Variants in KLRG1 observed in about 807,000 individuals in gnomAD.
KLRG1 encodes killer cell lectin like receptor G1.
In KLRG1, 16 loss-of-function variants were observed where a neutral mutation model predicts 21.8. That is an observed-to-expected ratio of 0.73 (90% CI 0.50 to 1.11). The LOEUF is 1.11. Ranked by LOEUF, KLRG1 falls within the 50% of genes most tolerant of loss-of-function variation. The pLI is 0.00. For synonymous variants in KLRG1, 69 were observed against 75.9 expected (o/e 0.91, Z 0.47); for missense variants, 173 against 218.3 (o/e 0.79, Z 1.31).
At chr12:9,128,612 T>C in the KLRG1 span, 1 of 152,312 alleles carries the variant, frequency 6.6e-6, no homozygotes, top group Non-Finnish European at 1.5e-5. Flanking sequence ...GAAAGATCCT[T>C]ACAGCAACCT....
At chr12:8,967,792 A>G (rs1463773129) in intron 1 of KLRG1, among the ~76,000 whole-genome samples, 2 of 152,210 alleles carry the variant, frequency 1.3e-5, no homozygotes, top group African/African-American at 2.4e-5. Flanking sequence ...AGTAAAATGT[A>G]TGAAAACGGC....
At chr12:9,196,796 T>C in the KLRG1 span, 8 of 914,338 alleles carry the variant, frequency 8.7e-6, no homozygotes, top group South Asian at 1.0e-4. Flanking sequence ...ATTAAGTAAG[T>C]TAATTGACCT....
At chr12:9,193,620 A>G in the KLRG1 span, among the ~76,000 whole-genome samples, 1 of 152,220 alleles carries the variant, frequency 6.6e-6, no homozygotes, top group African/African-American at 2.4e-5. Context: ...ACTGAAATCC[A>G]TAAATTATAG....
At chr12:9,069,327 A>T in the KLRG1 span, among the ~76,000 whole-genome samples, 1 of 152,208 alleles carries the variant, frequency 6.6e-6, no homozygotes, top group African/African-American at 2.4e-5. Flanking sequence ...TTTACTGGTG[A>T]ACTGGTCTTA....
At chr12:9,040,820 C>G in the KLRG1 span, among the ~76,000 whole-genome samples, 1 of 152,146 alleles carries the variant, frequency 6.6e-6, no homozygotes, top group Non-Finnish European at 1.5e-5. Flanking sequence ...ATTCAGATTC[C>G]TTTTTCAACT....
At chr12:8,974,554 C>G (rs2137264740) in intron 1 of KLRG1, among the ~76,000 whole-genome samples, 1 of 152,094 alleles carries the variant, frequency 6.6e-6, no homozygotes, top group Admixed American at 6.5e-5. Context: ...CTCTCTATAC[C>G]CATTTTTTGA....
At chr12:9,200,977 T>C in the KLRG1 span, 1 of 1,613,950 alleles carries the variant, frequency 6.2e-7, no homozygotes, top group Non-Finnish European at 8.5e-7. Flanking sequence ...GAATGGGCTC[T>C]GATGAGAGGG....
chr12:8,976,605 A>C (rs922828783), intron 1 of KLRG1, among the ~76,000 whole-genome samples: 2 of 152,160 alleles, frequency 1.3e-5, no homozygotes, highest in African/African-American at 4.8e-5. Context: ...TCTCCCTTCA[A>C]ATCTGTCAAT....
chr12:8,978,520 T>G (rs1946693772), intron 1 of KLRG1, among the ~76,000 whole-genome samples: 1 of 152,160 alleles, frequency 6.6e-6, no homozygotes, highest in East Asian at 1.9e-4. Flanking sequence ...ATATCTTGGT[T>G]GGCTGTTTTC....
At chr12:8,990,489 A>C (rs748123912) in intron 1 of KLRG1, 2 of 152,082 alleles carry the variant, frequency 1.3e-5, no homozygotes, top group African/African-American at 2.4e-5. Flanking sequence ...ATGTCTTTTG[A>C]GAGTGTTGCC....
chr12:9,008,271 T>C (rs1364099090), intron 3 of KLRG1, among the ~76,000 whole-genome samples: 3 of 152,238 alleles, frequency 2.0e-5, no homozygotes, highest in Non-Finnish European at 4.4e-5. Flanking sequence ...TTCTTTCTTT[T>C]GAAATAATCT....
At chr12:9,075,277 A>T in the KLRG1 span, among the ~76,000 whole-genome samples, 1 of 152,198 alleles carries the variant, frequency 6.6e-6, no homozygotes, top group Non-Finnish European at 1.5e-5. Context: ...ACCAATATAC[A>T]CTGCTGTGGG....
downstream of KLRG1, among the ~76,000 whole-genome samples, chr12:9,012,289 A>G (rs747371133): frequency 6.6e-6 from 1 of 152,318 alleles, no homozygotes; most frequent in South Asian, 2.1e-4. Context: ...GCTCAGCTAC[A>G]GAAGGATAGG....
the KLRG1 span, among the ~76,000 whole-genome samples, chr12:9,127,623 C>T: frequency 6.6e-6 from 1 of 152,144 alleles, no homozygotes; most frequent in African/African-American, 2.4e-5. Flanking sequence ...TAGAGCCCAG[C>T]ATCCACTGGG....
At chr12:9,080,638 T>G in the KLRG1 span, among the ~76,000 whole-genome samples, 1 of 152,350 alleles carries the variant, frequency 6.6e-6, no homozygotes, top group African/African-American at 2.4e-5. Flanking sequence ...CTATGTTCTT[T>G]CTTCAAATTT....
chr12:9,111,442 T>C, the KLRG1 span: 42 of 447,954 alleles, frequency 9.4e-5, no homozygotes, highest in African/African-American at 6.6e-4. Flanking sequence ...TTGAAGGTTA[T>C]TGTAATGATC....
the KLRG1 span, among the ~76,000 whole-genome samples, chr12:9,108,675 A>G: frequency 6.6e-6 from 1 of 152,210 alleles, no homozygotes. Flanking sequence ...TCTTCCTGCT[A>G]CTGCTACTGT....
the KLRG1 span, among the ~76,000 whole-genome samples, chr12:9,110,971 C>T: frequency 6.6e-6 from 1 of 152,156 alleles, no homozygotes; most frequent in African/African-American, 2.4e-5. Flanking sequence ...TGCAATTTTA[C>T]AGGTTGAGAA....
chr12:9,068,942 A>G, the KLRG1 span: 72 of 761,778 alleles, frequency 9.5e-5, no homozygotes, highest in East Asian at 1.9e-3. Context: ...AAGCTTTATT[A>G]TCCTACAGCA....
Sources: gnomAD v4.1 joint callset for allele counts (sites outside exome capture counted in the v4.1 genomes callset) on GRCh38, gnomAD v4.1.1 for gene constraint, MANE v1.5 for transcripts, NCBI Gene and HGNC (gene_info 2026-07-23, HGNC 2026-07-21) for gene names.